Variants in ABCA12 observed in about 807,000 individuals in gnomAD.
ABCA12 encodes glucosylceramide transporter ABCA12.
ABCA12 carries 156 observed loss-of-function variants against 293.5 expected under a neutral mutation model. The observed-to-expected ratio is 0.53, with a 90% CI of 0.47 to 0.61. The LOEUF is 0.61. Among genes scored for constraint, ABCA12 ranks in the 20% least tolerant of loss-of-function variants. The probability of loss-of-function intolerance (pLI) is 0.00; values close to 1 mark genes in which losing one functional copy is unlikely to be tolerated. For missense variants in ABCA12, 2,797 were observed against 3,090.2 expected (o/e 0.91, Z 2.25); for synonymous variants, 1,063 against 1,108.0 (o/e 0.96, Z 0.81).
At chr2:215,123,997 C>T (rs1575059496) in intron 1 of ABCA12, among the ~76,000 whole-genome samples, 1 of 152,304 alleles carries the variant, frequency 6.6e-6, no homozygotes, top group East Asian at 1.9e-4. Context: ...TTAGCTCCCA[C>T]ATATTAGTGA....
At chr2:214,945,440 A>G (rs1046929790) in intron 48 of ABCA12, among the ~76,000 whole-genome samples, 1 of 152,220 alleles carries the variant, frequency 6.6e-6, no homozygotes, top group African/African-American at 2.4e-5. Flanking sequence ...AGCCACATCA[A>G]CAAGATTACC....
At chr2:215,094,683 C>T (rs1225642068) in intron 2 of ABCA12, among the ~76,000 whole-genome samples, 1 of 152,186 alleles carries the variant, frequency 6.6e-6, no homozygotes, top group East Asian at 1.9e-4. Context: ...AGCCCCTCCT[C>T]TTGCTTGCTT....
chr2:215,116,264 C>A (rs539290602), intron 1 of ABCA12, among the ~76,000 whole-genome samples: 1 of 151,390 alleles, frequency 6.6e-6, no homozygotes, highest in South Asian at 2.1e-4. Context: ...CCTATTTTTC[C>A]AAAAAAAATG....
intron 6 of ABCA12, among the ~76,000 whole-genome samples, chr2:215,048,149 TAA>T (rs1321233608): frequency 1.3e-5 from 2 of 151,958 alleles, no homozygotes; most frequent in African/African-American, 4.8e-5. Context: ...GAATGGCTAT[TAA>T]AAAGTCAAAA....
At chr2:215,071,705 T>A (rs1263843596) in intron 2 of ABCA12, among the ~76,000 whole-genome samples, 1 of 152,208 alleles carries the variant, frequency 6.6e-6, no homozygotes, top group Non-Finnish European at 1.5e-5. Flanking sequence ...TAAGGTACTA[T>A]AAGCATTGAA....
Position 214,953,976 on chromosome 2 carries a change from T to C in ABCA12, c.6525A>G (p.Glu2175=), listed in dbSNP as rs754597682. The C allele has an allele frequency of 6.2e-7, 1 of 1,614,140 alleles. No individual in the cohort carries two copies. The highest frequency in any genetic ancestry group is 8.5e-7 in the Non-Finnish European group (1 of 1,179,996). The change falls in exon 44 of 53, where the codon GAA becomes GAG. Residue 2175 remains glutamate, a synonymous_variant. Transcript: ENST00000272895. ...VLDFLKAYGV[E]YPNETFEMNK... is the part of the protein sequence containing the mutation. ...TCATCTCAAAGGTTTCATTTGGGTATTCCACTCCATATGCTTTTAAGAAGT... is the reference window on the plus strand; with the variant it reads ...TCATCTCAAAGGTTTCATTTGGGTACTCCACTCCATATGCTTTTAAGAAGT...
At chr2:215,133,477 A>T (rs1027851174) in intron 1 of ABCA12, among the ~76,000 whole-genome samples, 1 of 151,998 alleles carries the variant, frequency 6.6e-6, no homozygotes, top group Non-Finnish European at 1.5e-5. Flanking sequence ...ACAAACTCTT[A>T]TATTATCTAG....
chr2:214,936,944 A>T (rs1231943123), intron 51 of ABCA12, among the ~76,000 whole-genome samples: 2 of 151,988 alleles, frequency 1.3e-5, no homozygotes, highest in African/African-American at 4.8e-5. Flanking sequence ...TGAGGAAAAA[A>T]AAAAATACAT....
At chr2:214,992,313 G>C (rs1699928866) in intron 23 of ABCA12, among the ~76,000 whole-genome samples, 1 of 151,494 alleles carries the variant, frequency 6.6e-6, no homozygotes, top group South Asian at 2.1e-4. Flanking sequence ...AGTGGTGGCG[G>C]GCCCCCGTAG....
chr2:214,932,707 T>C lies in ABCA12; in HGVS notation c.7715A>G (p.Tyr2572Cys), dbSNP rs199846944. 269 of 1,613,572 alleles carry C rather than the reference T, an allele frequency of 1.7e-4. No individual in the cohort carries two copies. Among genetic ancestry groups the C allele is most frequent in the Non-Finnish European group, 1.8e-4 (217 of 1,179,758 alleles). The change falls in exon 53 of 53, where the codon TAT becomes TGT. Residue 2572 changes from tyrosine (Y) to cysteine (C), a missense_variant. This residue lies in a region of ABCA12 where 2,130 missense variants were observed against 2,427.0 expected (regional missense o/e 0.88). Transcript: ENST00000272895. ...FINFAKDQKSYETADTSSQGS... is the reference protein window; with the variant it reads ...FINFAKDQKSCETADTSSQGS... ...TTGGCTGCTGGTATCAGCAGTTTCA[T>C]AGGACTTCTGGTCTTTGGCAAAGTT...
chr2:215,075,465 G>A (rs1414646898), intron 2 of ABCA12: 12 of 655,728 alleles, frequency 1.8e-5, no homozygotes, highest in East Asian at 1.1e-4. Context: ...AGACAGGAGC[G>A]AGAGTCAAAA....
chr2:214,939,220 A>G (rs192679003), intron 50 of ABCA12, among the ~76,000 whole-genome samples: 5 of 152,296 alleles, frequency 3.3e-5, no homozygotes, highest in Admixed American at 2.6e-4. Context: ...TAAATAGGGA[A>G]TCTTTTCCCC....
chr2:215,010,249 T>C (rs1700342169), intron 18 of ABCA12, 82 bp downstream of exon 18: 1 of 1,508,036 alleles, frequency 6.6e-7, no homozygotes, highest in African/African-American at 1.4e-5. Flanking sequence ...AAGAAATCAG[T>C]CAGCTAAAGT....
chr2:215,134,626 G>T (rs1190434769), intron 1 of ABCA12, among the ~76,000 whole-genome samples: 11 of 123,590 alleles, frequency 8.9e-5, no homozygotes, highest in African/African-American at 3.9e-4. Context: ...TAGAGAGAGA[G>T]AGAGAGAGAG....
chr2:214,975,954 G>A lies in ABCA12; in HGVS notation c.5212C>T (p.His1738Tyr). The A allele has an allele frequency of 1.9e-6, 3 of 1,614,082 alleles. No homozygotes were observed. The highest frequency in any genetic ancestry group is 2.5e-6 in the Non-Finnish European group (3 of 1,179,982). ...KIMAILIKRF[H>Y]HTRRNWKGLI... ...CCTTTCCAGTTCCTGCGGGTGTGGT[G>A]GAACCTCTTGATGAGTATAGCCATG... The change falls in exon 34 of 53, where the codon CAC becomes TAC. Residue 1738 changes from histidine (H) to tyrosine (Y), a missense_variant. His to Tyr is a moderately conservative substitution (Grantham distance 83). Transcript: ENST00000272895.
At chr2:215,136,833 C>G (rs574136888) in intron 1 of ABCA12, among the ~76,000 whole-genome samples, 1 of 152,096 alleles carries the variant, frequency 6.6e-6, no homozygotes, top group Non-Finnish European at 1.5e-5. Context: ...CATGTCACGT[C>G]TAACTCATCA....
intron 22 of ABCA12, among the ~76,000 whole-genome samples, chr2:214,999,475 T>C (rs769196069): frequency 2.6e-5 from 4 of 152,084 alleles, no homozygotes; most frequent in Non-Finnish European, 4.4e-5. Flanking sequence ...GGTTGTTGGG[T>C]GAAACAAATG....
intron 50 of ABCA12, among the ~76,000 whole-genome samples, chr2:214,941,599 T>C (rs1449114025): frequency 6.6e-6 from 1 of 152,060 alleles, no homozygotes; most frequent in Non-Finnish European, 1.5e-5. Flanking sequence ...TCTTTGTTGG[T>C]CTCTAAGAAC....
At chr2:215,053,617 C>A (rs1300788430) in intron 4 of ABCA12, among the ~76,000 whole-genome samples, 4 of 152,026 alleles carry the variant, frequency 2.6e-5, no homozygotes, top group Non-Finnish European at 5.9e-5. Flanking sequence ...CATGTTCCTG[C>A]TACATTAACA....
Sources: gnomAD v4.1 joint callset for allele counts (sites outside exome capture counted in the v4.1 genomes callset) on GRCh38, gnomAD v4.1.1 for gene constraint, gnomAD v4.1.1 regional missense constraint, MANE v1.5 for transcripts, NCBI Gene and HGNC (gene_info 2026-07-23, HGNC 2026-07-21) for gene names.